Variants in PSKH2 observed in about 807,000 individuals in gnomAD.
PSKH2 encodes serine/threonine-protein kinase H2.
In PSKH2, 16 loss-of-function variants were observed where a neutral mutation model predicts 22.5. The observed-to-expected ratio is 0.71, with a 90% CI of 0.48 to 1.08. The LOEUF (loss-of-function observed/expected upper bound fraction) is 1.08. Ranked by LOEUF, PSKH2 falls within the 50% of genes least tolerant of loss-of-function variation. The pLI is 0.00. For missense variants in PSKH2, 516 were observed against 492.8 expected (o/e 1.05, Z -0.44); for synonymous variants, 188 against 184.8 (o/e 1.02, Z -0.14).
chr8:86,051,765 G>T (rs1817634164), intron 2 of PSKH2, among the ~76,000 whole-genome samples: 1 of 152,174 alleles, frequency 6.6e-6, no homozygotes, highest in Non-Finnish European at 1.5e-5. Flanking sequence ...GTGCAACAAG[G>T]TTTATGGAGA....
chr8:86,056,132 T>C (rs1022459687), intron 2 of PSKH2, among the ~76,000 whole-genome samples: 8 of 147,116 alleles, frequency 5.4e-5, no homozygotes, highest in Admixed American at 4.8e-4. Context: ...CTACAAAAGA[T>C]TTTTTTTTTT....
chr8:86,069,819 C>G (rs1040017660), upstream of PSKH2: 1 of 583,224 alleles, frequency 1.7e-6, no homozygotes. Context: ...TGGTCACCGT[C>G]TGTGTGTGTA....
intron 2 of PSKH2, among the ~76,000 whole-genome samples, chr8:86,054,249 T>C (rs1271528878): frequency 6.6e-6 from 1 of 152,178 alleles, no homozygotes; most frequent in Non-Finnish European, 1.5e-5. Flanking sequence ...TAAAAATAAA[T>C]AAATAAGCTA....
intron 2 of PSKH2, among the ~76,000 whole-genome samples, chr8:86,050,556 C>A (rs573325971): frequency 1.3e-5 from 2 of 152,264 alleles, no homozygotes; most frequent in Non-Finnish European, 2.9e-5. Context: ...AGCAGCTGTC[C>A]CCACTTTGGC....
chr8:86,069,933 T>G (rs1817924071), upstream of PSKH2, among the ~76,000 whole-genome samples: 2 of 152,204 alleles, frequency 1.3e-5, no homozygotes, highest in African/African-American at 2.4e-5. Flanking sequence ...ACATATAAAA[T>G]TATACGATTG....
At chr8:86,051,382 C>T (rs1301388227) in intron 2 of PSKH2, among the ~76,000 whole-genome samples, 1 of 152,282 alleles carries the variant, frequency 6.6e-6, no homozygotes, top group East Asian at 1.9e-4. Flanking sequence ...ACACTGCCCC[C>T]CGCCTTAATC....
At chr8:86,061,274 G>A (rs754575844) in intron 2 of PSKH2, among the ~76,000 whole-genome samples, 19 of 152,134 alleles carry the variant, frequency 1.2e-4, no homozygotes, top group Non-Finnish European at 2.4e-4. Flanking sequence ...CCTCTTCTCA[G>A]TTGCTTTTGG....
At chr8:86,069,322 T>C in intron 1 of PSKH2, 116 bp downstream of exon 1, 3 of 922,854 alleles carry the variant, frequency 3.3e-6, no homozygotes, top group South Asian at 1.9e-5. Flanking sequence ...GTGCCTATCA[T>C]CCGAAAGAAC....
In PSKH2 at chr8:86,064,630, A is replaced by G; in HGVS notation, c.187T>C (p.Tyr63His). ...GTCCCAATAAGAGCTTTGATGTCATATCTGTTGGGAAGAAAAACCAAACAT... is the reference window on the plus strand; with the variant it reads ...GTCCCAATAAGAGCTTTGATGTCATGTCTGTTGGGAAGAAAAACCAAACAT... ...AKFDPRVLAR[Y>H]DIKALIGTGS... The change falls in exon 2 of 3, where the codon TAT becomes CAT. Residue 63 changes from tyrosine to histidine, a missense_variant and splice_region_variant. Tyr to His is a moderately conservative substitution (Grantham distance 83). Coordinates refer to ENST00000276616, the MANE Select transcript of PSKH2 (RefSeq NM_033126.3). 6.2e-7 allele frequency: 1 copy of G among 1,605,132 alleles called. No individual in the cohort carries two copies. Among genetic ancestry groups the G allele is most frequent in the Non-Finnish European group, 8.5e-7 (1 of 1,176,752 alleles).
chr8:86,057,546 C>G (rs1373090263), intron 2 of PSKH2, among the ~76,000 whole-genome samples: 1 of 151,888 alleles, frequency 6.6e-6, no homozygotes. Context: ...GCCACCACAC[C>G]CAGCTAATTT....
intron 1 of PSKH2, among the ~76,000 whole-genome samples, chr8:86,064,949 C>A (rs1817837693): frequency 6.6e-6 from 1 of 152,046 alleles, no homozygotes; most frequent in Non-Finnish European, 1.5e-5. Context: ...ATAATAATAT[C>A]CCCCTTTTTC....
chr8:86,053,344 C>T (rs12156049), intron 2 of PSKH2, among the ~76,000 whole-genome samples: 44,831 of 151,970 alleles, frequency 0.29, 7,788 homozygotes, highest in East Asian at 0.49. Context: ...AGTTGCCTTC[C>T]GTGGTCTGGT....
At chr8:86,065,354 C>A (rs16879655) in intron 1 of PSKH2, among the ~76,000 whole-genome samples, 9,391 of 152,216 alleles carry the variant, frequency 0.062, 978 homozygotes, top group African/African-American at 0.21. Context: ...TTATAAGAGC[C>A]GGTTTCAGCA....
chr8:86,054,586 A>C (rs1032733139), intron 2 of PSKH2, among the ~76,000 whole-genome samples: 4 of 152,184 alleles, frequency 2.6e-5, no homozygotes, highest in Non-Finnish European at 5.9e-5. Flanking sequence ...CTCAATCTAC[A>C]AAGCAGATTT....
intron 2 of PSKH2, among the ~76,000 whole-genome samples, chr8:86,049,503 G>A (rs1223806862): frequency 6.6e-6 from 1 of 151,566 alleles, no homozygotes; most frequent in African/African-American, 2.4e-5. Flanking sequence ...AGGCTGCAGT[G>A]AGCTATGATG....
At chr8:86,057,112 TG>T (rs2130153705) in intron 2 of PSKH2, among the ~76,000 whole-genome samples, 1 of 152,036 alleles carries the variant, frequency 6.6e-6, no homozygotes, top group African/African-American at 2.4e-5. Flanking sequence ...TTGGTAGAGA[TG>T]GGGTCTTGTT....
chr8:86,064,204 A>G lies in PSKH2; in HGVS notation c.613T>C (p.Phe205Leu). 6.2e-7 allele frequency: 1 copy of G among 1,613,992 alleles called. No homozygotes were observed. Among genetic ancestry groups the G allele is most frequent in the Non-Finnish European group, 8.5e-7 (1 of 1,180,016 alleles). The change falls in exon 2 of 3, where the codon TTT becomes CTT. Residue 205 changes from phenylalanine to leucine, a missense_variant. By Grantham distance (22) the Phe-to-Leu change is conservative. Transcript: ENST00000276616. ...GEESKILITDFGLAYSGKKSG... is the reference protein window; with the variant it reads ...GEESKILITDLGLAYSGKKSG... Reference sequence around the variant, plus strand: ...TTTTTCCCGGAGTATGCCAAACCAAAATCTGTAATTAAAATTTTCGACTCT... The same window carrying G: ...TTTTTCCCGGAGTATGCCAAACCAAGATCTGTAATTAAAATTTTCGACTCT...
At chr8:86,068,539 A>T (rs1817896719) in intron 1 of PSKH2, among the ~76,000 whole-genome samples, 1 of 152,192 alleles carries the variant, frequency 6.6e-6, no homozygotes, top group Non-Finnish European at 1.5e-5. Context: ...GTATTACTTT[A>T]ATTATGCTCA....
At chr8:86,056,959 G>T (rs1453267130) in intron 2 of PSKH2, among the ~76,000 whole-genome samples, 1 of 149,010 alleles carries the variant, frequency 6.7e-6, no homozygotes, top group Non-Finnish European at 1.5e-5. Flanking sequence ...TTAGAGAGAA[G>T]GTCTCACTCT....
Sources: gnomAD v4.1 joint callset for allele counts (sites outside exome capture counted in the v4.1 genomes callset) on GRCh38, gnomAD v4.1.1 for gene constraint, MANE v1.5 for transcripts, NCBI Gene and HGNC (gene_info 2026-07-23, HGNC 2026-07-21) for gene names.